ALG1L2: variants seen among roughly 807,000 people sequenced by gnomAD.
ALG1L2 encodes putative glycosyltransferase ALG1L2.
A neutral mutation model predicts 29.0 loss-of-function variants in ALG1L2; 32 were observed. That is an observed-to-expected ratio of 1.10 (90% confidence interval 0.83 to 1.48). The LOEUF (loss-of-function observed/expected upper bound fraction) is 1.48, where lower values mean the gene tolerates loss of function less well. ALG1L2 is among the 40% of genes most tolerant of loss of function. The pLI, the probability that ALG1L2 is intolerant of heterozygous loss-of-function variation, is 0.00. For synonymous variants in ALG1L2, 110 were observed against 109.5 expected, an observed-to-expected ratio of 1.00 and a Z score of -0.03; for missense variants, 318 against 274.1, an observed-to-expected ratio of 1.16 and a Z score of -1.13.
intron 7 of ALG1L2, among the ~76,000 whole-genome samples, chr3:130,097,483 G>GA (rs1158508507): frequency 6.6e-6 from 1 of 152,242 alleles, no homozygotes. Context: ...TTATGGAGCT[G>GA]AGACTCCACA....
In ALG1L2 at chr3:130,091,354, C is replaced by A; in HGVS notation, c.114C>A (p.His38Gln). ...HRLFMKLGST[H>Q]SPFRARSEPE... ...TCTTCATGAAGCTGGGCAGCACGCA[C>A]TCTCCGTTCAGGGCCCGGTAGGCCT... The change falls in exon 2 of 8, where the codon CAC (histidine) becomes CAA (glutamine). Residue 38 changes from histidine (H) to glutamine (Q), a missense_variant. Coordinates refer to ENST00000425059, the MANE Select transcript of ALG1L2 (RefSeq NM_001136152.1). 1.3e-6 allele frequency: 2 copies of A among 1,597,270 alleles called. No individual in the cohort carries two copies. The highest frequency in any genetic ancestry group is 4.5e-5 in the East Asian group (2 of 44,884).
rs142365492 is a variant in ALG1L2, at chr3:130,093,079, T to C, written c.254-22T>C. On this transcript the variant is annotated intron_variant, in intron 3 of 7. Transcript: ENST00000425059. ...ATTAAATCAGAAATTCCATGTAGAATTGTTTCTTTTTTTAAACACAGAGTT... is the reference window on the plus strand; with the variant it reads ...ATTAAATCAGAAATTCCATGTAGAACTGTTTCTTTTTTTAAACACAGAGTT... 1.4e-3 allele frequency: 2,250 copies of C among 1,579,988 alleles called. 21 individuals carry two copies. In the African/African-American group the frequency reaches 0.026, roughly 18 times the overall value.
At chr3:130,094,806 G>A (rs796250220) in intron 5 of ALG1L2, among the ~76,000 whole-genome samples, 5 of 152,366 alleles carry the variant, frequency 3.3e-5, no homozygotes, top group African/African-American at 1.2e-4. Flanking sequence ...TGGGGTTGGG[G>A]CCACTGTTGC....
chr3:130,087,972 C>T (rs1934927192), intron 1 of ALG1L2, among the ~76,000 whole-genome samples: 2 of 152,304 alleles, frequency 1.3e-5, no homozygotes, highest in Non-Finnish European at 2.9e-5. Flanking sequence ...TAATAAGCAG[C>T]CAGCTTAGCC....
intron 1 of ALG1L2, among the ~76,000 whole-genome samples, chr3:130,087,382 C>A (rs533284690): frequency 6.7e-6 from 1 of 148,164 alleles, no homozygotes; most frequent in South Asian, 2.1e-4. Flanking sequence ...AACTGAGGAT[C>A]TGTTCCAGGC....
intron 1 of ALG1L2, among the ~76,000 whole-genome samples, chr3:130,084,293 C>CG (rs1934845974): frequency 1.5e-5 from 2 of 132,044 alleles, no homozygotes; most frequent in Admixed American, 1.6e-4. Flanking sequence ...CCCCATTTCC[C>CG]CCCCTCAAAA....
At chr3:130,094,085 G>T in intron 4 of ALG1L2, 1 of 404,456 alleles carries the variant, frequency 2.5e-6, no homozygotes, top group Non-Finnish European at 4.7e-6. Context: ...TGTCCCCTGT[G>T]CACAACACAG....
At chr3:130,093,051 AAAAT>A in intron 3 of ALG1L2, 46 bp from the exon 4 acceptor site, 3 of 1,427,166 alleles carry the variant, frequency 2.1e-6, no homozygotes, top group African/African-American at 1.5e-5. Context: ...AAAAAAAAAA[AAAAT>A]TAAATCAGAA....
At chr3:130,093,061 C>G in intron 3 of ALG1L2, 40 bp from the exon 4 acceptor site, 1 of 1,134,116 alleles carries the variant, frequency 8.8e-7, no homozygotes, top group Non-Finnish European at 1.2e-6. Flanking sequence ...AAAATTAAAT[C>G]AGAAATTCCA....
chr3:130,086,751 A>G (rs1423928818), intron 1 of ALG1L2, among the ~76,000 whole-genome samples: 1 of 140,106 alleles, frequency 7.1e-6, no homozygotes, highest in African/African-American at 2.5e-5. Context: ...TCTGTTTTAG[A>G]TGAAGGATTG....
chr3:130,086,112 A>G (rs1184203816), intron 1 of ALG1L2, among the ~76,000 whole-genome samples: 3 of 151,562 alleles, frequency 2.0e-5, no homozygotes, highest in Non-Finnish European at 4.4e-5. Context: ...CCCAACCAAC[A>G]TACGCACAGG....
intron 5 of ALG1L2, among the ~76,000 whole-genome samples, chr3:130,095,713 A>C (rs983602383): frequency 6.6e-6 from 1 of 151,896 alleles, no homozygotes; most frequent in Non-Finnish European, 1.5e-5. Flanking sequence ...AAATGCTGGG[A>C]TTACAGGTGG....
intron 1 of ALG1L2, among the ~76,000 whole-genome samples, chr3:130,087,478 C>T (rs1229688537): frequency 7.3e-6 from 1 of 137,036 alleles, no homozygotes; most frequent in African/African-American, 2.5e-5. Flanking sequence ...ATTGGGTTAA[C>T]TGGCGAAATC....
In ALG1L2 at chr3:130,096,978, A is replaced by T. The variant is rs376881501; in HGVS notation, c.540-197A>T. Among the ~76,000 whole-genome samples the T allele has an allele frequency of 1.3e-4, 20 of 151,020 alleles. No individual in the cohort carries two copies. In the East Asian group the frequency reaches 2.8e-3, roughly 21 times the overall value. On this transcript the variant is annotated intron_variant, in intron 6 of 7. Coordinates refer to ENST00000425059, the MANE Select transcript of ALG1L2 (RefSeq NM_001136152.1). ...AAGGCTCTCTCCTCAAATCGGTTTGACCATTTTGATGTGCACCCCCCCCAG... is the reference window on the plus strand; with the variant it reads ...AAGGCTCTCTCCTCAAATCGGTTTGTCCATTTTGATGTGCACCCCCCCCAG...
intron 4 of ALG1L2, chr3:130,094,131 G>A (rs1376572481): frequency 4.1e-6 from 2 of 489,720 alleles, no homozygotes; most frequent in Non-Finnish European, 7.5e-6. Context: ...GTGGTCGCGT[G>A]CCAGGCCAGT....
At chr3:130,093,241 C>T (rs1935058624) in intron 4 of ALG1L2, 81 bp downstream of exon 4, 1 of 1,498,896 alleles carries the variant, frequency 6.7e-7, no homozygotes, top group Admixed American at 1.7e-5. Context: ...CCTGTGCTTC[C>T]CACGATCTTG....
At chr3:130,082,680 C>T (rs541713361) in intron 1 of ALG1L2, among the ~76,000 whole-genome samples, 2 of 146,732 alleles carry the variant, frequency 1.4e-5, no homozygotes, top group Admixed American at 1.4e-4. Flanking sequence ...GGCAATAGAA[C>T]ACGTGCGTGG....
chr3:130,093,191 G>T (rs554244107), intron 4 of ALG1L2, 31 bp downstream of exon 4: 3 of 1,605,790 alleles, frequency 1.9e-6, no homozygotes, highest in Admixed American at 3.3e-5. Context: ...TGTCTGTTTG[G>T]TTGGGGGATG....
Position 130,098,229 on chromosome 3 carries a change from G to A in ALG1L2, c.622G>A (p.Ala208Thr), listed in dbSNP as rs763133417. 26 of 1,596,322 alleles carry A rather than the reference G, an allele frequency of 1.6e-5. No individual in the cohort carries two copies. Among genetic ancestry groups the A allele is most frequent in the Non-Finnish European group, 2.0e-5 (24 of 1,179,774 alleles). The change falls in exon 8 of 8, where the codon GCA becomes ACA. Residue 208 changes from alanine to threonine, a missense_variant. Coordinates refer to ENST00000425059, the MANE Select transcript of ALG1L2 (RefSeq NM_001136152.1). The part of the protein sequence containing the change: ...EELAAQLQYF[A>T]DAFLKLS ...GGTAAGCTCTGCTCTTCAGTATTTT[G>A]CAGATGCTTTTCTCAAACTTTCCTG...
Sources: allele counts gnomAD v4.1 joint callset (sites outside exome capture counted in the v4.1 genomes callset), GRCh38; gene constraint gnomAD v4.1.1; transcripts MANE v1.5; gene names NCBI Gene and HGNC (gene_info 2026-07-23, HGNC 2026-07-21).